Variants in DNAH17 observed in about 807,000 individuals in gnomAD.
The protein encoded by DNAH17 is dynein axonemal heavy chain 17, also known as axonemal beta dynein heavy chain 17.
In DNAH17, 376 loss-of-function variants were observed where a neutral mutation model predicts 485.6. The observed-to-expected ratio is 0.77, with a 90% confidence interval of 0.71 to 0.84. The LOEUF is 0.84. Among genes scored for constraint, DNAH17 ranks in the 40% least tolerant of loss-of-function variants. The probability of loss-of-function intolerance (pLI) is 0.00; values close to 1 mark genes in which losing one functional copy is unlikely to be tolerated. For synonymous variants in DNAH17, 3,031 were observed against 2,405.9 expected (o/e 1.26, Z -7.60); for missense variants, 6,370 against 5,839.3 (o/e 1.09, Z -2.96).
chr17:78,439,665 C>CTTTTTTT (rs11399691), intron 72 of DNAH17, among the ~76,000 whole-genome samples: 7 of 92,196 alleles, frequency 7.6e-5, no homozygotes, highest in Middle Eastern at 0.011. Context: ...CAGTACTTCA[C>CTTTTTTT]TTTTTTTTTT....
At chr17:78,567,348 C>A (rs564917097) in intron 9 of DNAH17, among the ~76,000 whole-genome samples, 182 bp from the exon 10 acceptor site, 276 of 152,174 alleles carry the variant, frequency 1.8e-3, no homozygotes, top group Middle Eastern at 3.4e-3. Context: ...AATATTCCAT[C>A]CCCTGCAGAA....
Position 78,492,723 on chromosome 17 carries a change from T to G in DNAH17, c.6451A>C (p.Lys2151Gln). ...LNKTYQNLKR[K>Q]PVAVDLDPKA... ...GGGTCCAGGTCCACGGCGACCGGCT[T>G]CCTCTTCAGGTTCTGATAGGTCTTG... Residue 2151 changes from lysine to glutamine, a missense_variant, in exon 42 of 81, where the codon AAG (lysine) becomes CAG (glutamine). Coordinates refer to ENST00000389840, the MANE Select transcript of DNAH17 (RefSeq NM_173628.4). 3 of 1,612,954 alleles carry G rather than the reference T, an allele frequency of 1.9e-6. No individual in the cohort carries two copies. Among genetic ancestry groups the G allele is most frequent in the Non-Finnish European group, 8.5e-7 (1 of 1,179,528 alleles).
At chr17:78,555,966 T>C (rs2092012897) in intron 14 of DNAH17, among the ~76,000 whole-genome samples, 1 of 152,196 alleles carries the variant, frequency 6.6e-6, no homozygotes, top group Middle Eastern at 3.2e-3. Context: ...GGACTCAGAG[T>C]AACACCACCT....
Position 78,476,385 on chromosome 17 carries a change from G to A in DNAH17, c.8154+187C>T, listed in dbSNP as rs1053080457. ...ACCCTCGGACCCACAGCCACGTGCC[G>A]GAGTTATCGCGTGGAACCCTCGGAT... On this transcript the variant is annotated intron_variant, in intron 52 of 80. Coordinates refer to ENST00000389840, the MANE Select transcript of DNAH17 (RefSeq NM_173628.4). 1.1e-4 allele frequency among the ~76,000 whole-genome samples: 16 copies of A among 150,414 alleles called. No homozygotes were observed. In the East Asian group the frequency reaches 1.8e-3, roughly 17 times the overall value.
chr17:78,442,084 G>A (rs547980782), intron 71 of DNAH17, among the ~76,000 whole-genome samples: 1 of 149,264 alleles, frequency 6.7e-6, no homozygotes, highest in African/African-American at 2.5e-5. Context: ...CTCCATCTCA[G>A]AAAAAAAAAA....
In DNAH17 at chr17:78,423,776, A is replaced by G; in HGVS notation, c.*130T>C. ...CTCTGGTTCCGATGTGCTTGGTTAC[A>G]AAGCACCTGATTATTTAAGAGAACG... On this transcript the variant is annotated 3_prime_UTR_variant, in exon 81 of 81. Transcript: ENST00000389840. 1 of 1,250,338 alleles carries G rather than the reference A, an allele frequency of 8.0e-7. No homozygotes were observed. Among genetic ancestry groups the G allele is most frequent in the Non-Finnish European group, 1.1e-6 (1 of 894,454 alleles). The allele number at this position is 1,250,338 out of a possible 1,614,324, so 77.5% of individuals were successfully genotyped here. A position where few individuals can be genotyped will look rare whatever the true frequency, so the allele number is the denominator to read the frequency against.
In DNAH17 at chr17:78,569,461, T is replaced by G; in HGVS notation, c.1111A>C (p.Ser371Arg). 1.9e-6 allele frequency: 3 copies of G among 1,611,948 alleles called. No homozygotes were observed. The highest frequency in any genetic ancestry group is 2.5e-6 in the Non-Finnish European group (3 of 1,178,988). ...ACATTTACAGCCAGGGAGATGCCACTCAGGACTTCCTCGATTTCACCTTGC... is the reference window on the plus strand; with the variant it reads ...ACATTTACAGCCAGGGAGATGCCACGCAGGACTTCCTCGATTTCACCTTGC... ...GLQGEIEEVL[S>R]GISLAVNVLK... is the part of the protein sequence containing the mutation. Residue 371 changes from serine (S) to arginine (R), a missense_variant, in exon 8 of 81, where the codon AGT becomes CGT. By Grantham distance (110) the Ser-to-Arg change is moderately radical. Transcript: ENST00000389840.
chr17:78,494,534 G>A lies in DNAH17; in HGVS notation c.6270+59C>T. 4 of 1,550,660 alleles carry A rather than the reference G, an allele frequency of 2.6e-6. No individual in the cohort carries two copies. In the South Asian group the frequency reaches 4.5e-5, roughly 18 times the overall value. On this transcript the variant is annotated intron_variant, in intron 40 of 80. Transcript: ENST00000389840. ...GTCTCCACCCGTCCAACATCAGTGG[G>A]AAGGAAGCCCCAGCCAGGCAGGCTT...
chr17:78,529,844 T>C (rs2091182864), intron 21 of DNAH17, 150 bp from the exon 22 acceptor site: 2 of 737,080 alleles, frequency 2.7e-6, no homozygotes, highest in East Asian at 5.4e-5. Context: ...CCTGCCCACC[T>C]TGGATCCCTC....
intron 57 of DNAH17, among the ~76,000 whole-genome samples, chr17:78,462,458 C>T (rs907963683): frequency 5.3e-5 from 8 of 152,096 alleles, no homozygotes; most frequent in East Asian, 1.9e-4. Flanking sequence ...AAGATCCATA[C>T]GGTGTGGAGG....
rs374795613 is a variant in DNAH17, at chr17:78,500,299, G to T, written c.5640+6C>A. ...TGGGTCCCTCCTCCGGACCCCGGCC[G>T]CGTACCTTGTAGTCCATCTGCTCGG... On this transcript the variant is annotated splice_donor_region_variant and intron_variant, in intron 36 of 80. Transcript: ENST00000389840. The T allele has an allele frequency of 1.2e-6, 2 of 1,608,452 alleles. No individual in the cohort carries two copies. The highest frequency in any genetic ancestry group is 1.7e-6 in the Non-Finnish European group (2 of 1,177,644).
chr17:78,438,342 G>A (rs541737352), intron 73 of DNAH17, among the ~76,000 whole-genome samples: 2 of 143,772 alleles, frequency 1.4e-5, no homozygotes, highest in African/African-American at 5.2e-5. Flanking sequence ...GCTGAGGAGG[G>A]GTGGTCGTGC....
chr17:78,519,352 G>A (rs1269193740), intron 25 of DNAH17, among the ~76,000 whole-genome samples: 1 of 152,014 alleles, frequency 6.6e-6, no homozygotes, highest in Non-Finnish European at 1.5e-5. Flanking sequence ...TTAGAAAAGA[G>A]AAAAGGTCTC....
Position 78,551,647 on chromosome 17 carries a change from G to A in DNAH17, c.2288-9C>T. 6.2e-7 allele frequency: 1 copy of A among 1,613,136 alleles called. No homozygotes were observed. Among genetic ancestry groups the A allele is most frequent in the Non-Finnish European group, 8.5e-7 (1 of 1,179,148 alleles). On this transcript the variant is annotated splice_polypyrimidine_tract_variant and intron_variant, in intron 15 of 80. Coordinates refer to ENST00000389840, the MANE Select transcript of DNAH17 (RefSeq NM_173628.4). Reference sequence around the variant, plus strand: ...AATGTACTGAAACACACCTAAAATGGAAATGTAGAGGAATCTTACAAAATG... The same window carrying A: ...AATGTACTGAAACACACCTAAAATGAAAATGTAGAGGAATCTTACAAAATG...
chr17:78,446,610 G>T (rs1011483508), intron 69 of DNAH17, among the ~76,000 whole-genome samples: 2 of 150,260 alleles, frequency 1.3e-5, no homozygotes, highest in Non-Finnish European at 2.9e-5. Flanking sequence ...GAATTGATTA[G>T]CTTTGCTGAT....
chr17:78,477,459 A>G (rs576178523), intron 51 of DNAH17, among the ~76,000 whole-genome samples: 3 of 151,832 alleles, frequency 2.0e-5, no homozygotes, highest in African/African-American at 4.8e-5. Context: ...GCTTACTGCA[A>G]CCTCTGCCTC....
intron 69 of DNAH17, among the ~76,000 whole-genome samples, chr17:78,447,806 C>T (rs1261793378): frequency 1.3e-5 from 2 of 152,206 alleles, no homozygotes; most frequent in Non-Finnish European, 2.9e-5. Flanking sequence ...TACACTGATG[C>T]CCAACCTGTT....
At chr17:78,498,871 C>A in intron 37 of DNAH17, 137 bp downstream of exon 37, 1 of 592,806 alleles carries the variant, frequency 1.7e-6, no homozygotes, top group Non-Finnish European at 2.8e-6. Context: ...GGCAAGAGCT[C>A]AATGGCACCA....
At chr17:78,569,703 G>C (rs1291660330) in intron 7 of DNAH17, among the ~76,000 whole-genome samples, 176 bp from the exon 8 acceptor site, 1 of 152,218 alleles carries the variant, frequency 6.6e-6, no homozygotes, top group Non-Finnish European at 1.5e-5. Flanking sequence ...CCCCTCCTCG[G>C]CCCCTCATCC....
Sources: allele counts gnomAD v4.1 joint callset (sites outside exome capture counted in the v4.1 genomes callset), GRCh38; gene constraint gnomAD v4.1.1; transcripts MANE v1.5; gene names NCBI Gene and HGNC (gene_info 2026-07-23, HGNC 2026-07-21).